The following BEND3 variants were observed in gnomAD, a reference collection of about 807,000 sequenced individuals.
BEND3 encodes BEN domain-containing protein 3.
BEND3 carries 13 observed loss-of-function variants against 60.1 expected under a neutral mutation model. The ratio of observed to expected loss-of-function variants is 0.22; its 90% CI spans 0.14 to 0.34. BEND3 has a LOEUF of 0.34. Ranked by LOEUF, BEND3 falls within the 10% of genes least tolerant of loss-of-function variation. The pLI, the probability that BEND3 is intolerant of heterozygous loss-of-function variation, is 1.00. For missense variants in BEND3, 896 were observed against 1,138.1 expected (o/e 0.79, Z 3.06); for synonymous variants, 497 against 491.5 (o/e 1.01, Z -0.15).
rs550201262 is a variant in BEND3 at position 107,068,478 on chromosome 6, G to A, written c.*226C>T. On this transcript the variant is annotated 3_prime_UTR_variant, in exon 4 of 4. Coordinates refer to ENST00000369042, the MANE Select transcript of BEND3 (RefSeq NM_001367314.1). The surrounding 1 kb of genome is among the most constrained non-coding windows in gnomAD (Gnocchi z 5.8). The stretch of plus-strand genomic sequence containing the variant: ...GCTCTCCCCACACTCAGGCTGCCCC[G>A]CCGGGGCACATAGGACAGAAGTTGT... 19 of 529,300 alleles carry A rather than the reference G, an allele frequency of 3.6e-5. No homozygotes were observed. Among genetic ancestry groups the A allele is most frequent in the Admixed American group, 1.1e-4 (3 of 27,238 alleles). The allele number at this position is 529,300 out of a possible 1,614,324, so 32.8% of individuals were successfully genotyped here.
Position 107,069,566 on chromosome 6 carries a change from G to A in BEND3, c.1625C>T (p.Pro542Leu), listed in dbSNP as rs1774915095. 1 of 1,613,010 alleles carries A rather than the reference G, an allele frequency of 6.2e-7. No individual in the cohort carries two copies. The highest frequency in any genetic ancestry group is 1.1e-5 in the South Asian group (1 of 91,090). The change falls in exon 4 of 4, where the codon CCC (proline) becomes CTC (leucine). Residue 542 changes from proline to leucine, a missense_variant. Pro to Leu is a moderately conservative substitution (Grantham distance 98, BLOSUM62 -3). Transcript: ENST00000369042. The stretch of plus-strand genomic sequence containing the variant: ...ACCGGGCACCTCGAAGTCAGGCTGG[G>A]GGATCTCTAACTTGTCGAAGTCGAT... ...VPIDFDKLEI[P>L]QPDFEVPGAD...
chr6:107,113,437 CA>C (rs1158122732), intron 1 of BEND3, among the ~76,000 whole-genome samples: 20 of 13,064 alleles, frequency 1.5e-3, no homozygotes, highest in Non-Finnish European at 3.1e-3. Context: ...GACTCCGTCT[CA>C]AAAAAAAAAA....
intron 3 of BEND3, among the ~76,000 whole-genome samples, chr6:107,078,541 G>A (rs1554233034): frequency 1.4e-4 from 3 of 21,748 alleles, no homozygotes; most frequent in Non-Finnish European, 1.9e-4. Flanking sequence ...TGCAAGCTCT[G>A]CCTCCTGGGT....
chr6:107,087,736 C>T (rs1451958554), intron 3 of BEND3, among the ~76,000 whole-genome samples: 4 of 86,470 alleles, frequency 4.6e-5, no homozygotes, highest in Non-Finnish European at 9.7e-5. Flanking sequence ...GACTCCATCT[C>T]GAAACAAACA....
At position 107,068,344 on chromosome 6, in the gene BEND3, G is replaced by T. The variant is rs9486514; in HGVS notation, c.*360C>A. On this transcript the variant is annotated 3_prime_UTR_variant, in exon 4 of 4. Coordinates refer to ENST00000369042, the MANE Select transcript of BEND3 (RefSeq NM_001367314.1). The surrounding 1 kb of genome is among the most constrained non-coding windows in gnomAD (Gnocchi z 5.8). The stretch of plus-strand genomic sequence containing the variant: ...TCAAAATGGAAGATGTAAAATATGG[G>T]AAGAGGGGCAAGAGAGTTGCTGGGT... The T allele has an allele frequency of 8.9e-3, 1,693 of 190,344 alleles. 20 individuals carry two copies. The highest frequency in any genetic ancestry group is 0.027 in the African/African-American group (1,173 of 43,090). 11.8% of individuals were successfully genotyped at this position (190,344 alleles called of 1,614,324 possible).
intron 1 of BEND3, among the ~76,000 whole-genome samples, chr6:107,112,883 G>A (rs1770146560): frequency 6.6e-6 from 1 of 151,956 alleles, no homozygotes; most frequent in Non-Finnish European, 1.5e-5. Flanking sequence ...GAAAGGCTGG[G>A]CGCGGTGGCT....
intron 2 of BEND3, 124 bp from the exon 3 acceptor site, chr6:107,098,877 C>A: frequency 1.4e-6 from 1 of 731,518 alleles, no homozygotes; most frequent in East Asian, 2.7e-5. Flanking sequence ...ATAATGATGT[C>A]TAGTTGTAAC....
At chr6:107,095,280 A>G (rs915868946) in intron 3 of BEND3, among the ~76,000 whole-genome samples, 2 of 152,126 alleles carry the variant, frequency 1.3e-5, no homozygotes, top group Non-Finnish European at 2.9e-5. Context: ...TGAGGCCAGG[A>G]GGTCAAGAAT....
intron 1 of BEND3, among the ~76,000 whole-genome samples, chr6:107,110,479 T>C (rs1306023082): frequency 6.6e-6 from 1 of 152,152 alleles, no homozygotes; most frequent in Non-Finnish European, 1.5e-5. Context: ...ATTATCAAAT[T>C]TGGAGAAGGA....
intron 1 of BEND3, among the ~76,000 whole-genome samples, chr6:107,104,047 T>C (rs1350361420): frequency 6.6e-6 from 1 of 150,602 alleles, no homozygotes; most frequent in Non-Finnish European, 1.5e-5. Flanking sequence ...ACCCCAGCAC[T>C]TTGGAGGCGG....
At position 107,067,546 on chromosome 6, in the gene BEND3, A is replaced by C. The variant is rs1377679111; in HGVS notation, c.*1158T>G. The C allele has an allele frequency of 2.0e-5, 3 of 152,202 alleles. No homozygotes were observed. Among genetic ancestry groups the C allele is most frequent in the Non-Finnish European group, 4.4e-5 (3 of 68,046 alleles). The allele number at this position is 152,202 out of a possible 1,614,324, so 9.4% of individuals were successfully genotyped here. A position where few individuals can be genotyped will look rare whatever the true frequency, so the allele number is the denominator to read the frequency against. On this transcript the variant is annotated 3_prime_UTR_variant, in exon 4 of 4. Coordinates refer to ENST00000369042, the MANE Select transcript of BEND3 (RefSeq NM_001367314.1). ...GACCTTCTAGAGAGTCCAAGAGGAA[A>C]GTTCTGAGTGGACCCTGGGAAGGGA...
At chr6:107,078,133 T>C (rs371227239) in intron 3 of BEND3, among the ~76,000 whole-genome samples, 7 of 152,340 alleles carry the variant, frequency 4.6e-5, no homozygotes, top group African/African-American at 1.4e-4. Flanking sequence ...TTTGTTAGAC[T>C]TTTTGAGGGA....
At chr6:107,109,680 C>G (rs151006311) in intron 1 of BEND3, among the ~76,000 whole-genome samples, 116 of 152,122 alleles carry the variant, frequency 7.6e-4, no homozygotes, top group South Asian at 4.0e-3. Flanking sequence ...TCGAGACCAG[C>G]CTGGCAAACA....
At chr6:107,112,593 T>C (rs1428673620) in intron 1 of BEND3, among the ~76,000 whole-genome samples, 4 of 151,118 alleles carry the variant, frequency 2.6e-5, no homozygotes, top group African/African-American at 9.7e-5. Flanking sequence ...GTGGTACACG[T>C]CTGTAATCCC....
At chr6:107,076,337 G>T (rs1775099537) in intron 3 of BEND3, among the ~76,000 whole-genome samples, 1 of 152,154 alleles carries the variant, frequency 6.6e-6, no homozygotes, top group Non-Finnish European at 1.5e-5. Context: ...AACCATATGG[G>T]AACTCTGCTG....
At position 107,070,493 on chromosome 6, in the gene BEND3, G is replaced by GGGCTCACCTGCTTCTTGATGC. The variant is rs1774950862; in HGVS notation, c.677_697dup (p.Arg226_Ser232dup). 2.5e-6 allele frequency: 4 copies of GGGCTCACCTGCTTCTTGATGC among 1,613,986 alleles called. No homozygotes were observed. In the African/African-American group the frequency reaches 4.0e-5, roughly 16 times the overall value. On this transcript the variant is annotated inframe_insertion, in exon 4 of 4. Transcript: ENST00000369042. The surrounding 1 kb of genome is among the most constrained non-coding windows in gnomAD (Gnocchi z 6.9). ...CTGGAATTTGGCCACCATCTCAGTG[G>GGGCTCACCTGCTTCTTGATGC]GGCTCACCTGCTTCTTGATGCGGCT... is the stretch of plus-strand genomic sequence containing the variant.
intron 1 of BEND3, among the ~76,000 whole-genome samples, chr6:107,113,518 A>G (rs943296699): frequency 1.3e-5 from 2 of 151,172 alleles, no homozygotes; most frequent in Non-Finnish European, 2.9e-5. Flanking sequence ...CCACACAGAC[A>G]CCAGCTAACC....
chr6:107,077,335 G>A (rs1219272682), intron 3 of BEND3, among the ~76,000 whole-genome samples: 4 of 151,936 alleles, frequency 2.6e-5, no homozygotes, highest in African/African-American at 7.3e-5. Flanking sequence ...GTTCACAGGC[G>A]TGACCCCACT....
Position 107,070,038 on chromosome 6 carries a change from T to C in BEND3, c.1153A>G (p.Thr385Ala). Residue 385 changes from threonine (T) to alanine (A), a missense_variant, in exon 4 of 4, where the codon ACC becomes GCC. Transcript: ENST00000369042. This position sits in a 1 kb window ranked among gnomAD's most constrained non-coding sequence, Gnocchi z 6.9. Reference protein sequence around the residue: ...EEALSLDRSSTIASDHVVDTQ... With the variant: ...EEALSLDRSSAIASDHVVDTQ... ...TCCACCACGTGGTCTGAGGCGATGG[T>C]GCTGCTCCGGTCAAGAGACAGGGCC... 6.2e-7 allele frequency: 1 copy of C among 1,613,754 alleles called. No homozygotes were observed. Among genetic ancestry groups the C allele is most frequent in the Non-Finnish European group, 8.5e-7 (1 of 1,180,030 alleles).
Sources: gnomAD v4.1 joint callset for allele counts (sites outside exome capture counted in the v4.1 genomes callset) on GRCh38, gnomAD v4.1.1 for gene constraint, Gnocchi (gnomAD v3.1) non-coding constraint, MANE v1.5 for transcripts, NCBI Gene and HGNC (gene_info 2026-07-23, HGNC 2026-07-21) for gene names.